The following SPTSSA variants were observed in gnomAD, a reference collection of about 807,000 sequenced individuals.
The protein encoded by SPTSSA is serine palmitoyltransferase small subunit A.
SPTSSA carries 8 observed loss-of-function variants against 9.1 expected under a neutral mutation model. The observed-to-expected ratio is 0.88, with a 90% CI of 0.51 to 1.58. The LOEUF is 1.58. SPTSSA is among the 40% of genes most tolerant of loss of function. The pLI, the probability that SPTSSA is intolerant of heterozygous loss-of-function variation, is 0.00. For synonymous variants in SPTSSA, 42 were observed against 37.7 expected, an observed-to-expected ratio of 1.11 and a Z score of -0.41; for missense variants, 100 against 93.8, an observed-to-expected ratio of 1.07 and a Z score of -0.27.
chr14:34,461,957 C>T (rs1400670183), intron 1 of SPTSSA, 139 bp downstream of exon 1: 3 of 432,946 alleles, frequency 6.9e-6, no homozygotes, highest in Non-Finnish European at 1.0e-5. Context: ...CAGACCTCCC[C>T]CTGCACCCCC....
rs574171564 is a variant in SPTSSA at position 34,457,001 on chromosome 14, G to A, written c.112+5095C>T. Among the ~76,000 whole-genome samples, 9 of 142,798 alleles carry A rather than the reference G, an allele frequency of 6.3e-5. No individual in the cohort carries two copies. The East Asian group carries it at 1.8e-3, about 29-fold the overall frequency. 93.7% of individuals were successfully genotyped at this position (142,798 alleles called of 152,430 possible). On this transcript the variant is annotated intron_variant, in intron 1 of 1. Transcript: ENST00000298130. The stretch of plus-strand genomic sequence containing the variant: ...ATTATTATTATTATTATTTTGAGAC[G>A]GAGCATTTGCTCTGTTGCCCAGGCT...
At chr14:34,453,353 A>AC (rs1883560254) in intron 1 of SPTSSA, among the ~76,000 whole-genome samples, 2 of 152,196 alleles carry the variant, frequency 1.3e-5, no homozygotes, top group African/African-American at 4.8e-5. Context: ...TCGCATTTGT[A>AC]CCCAGTCTCC....
intron 1 of SPTSSA, among the ~76,000 whole-genome samples, chr14:34,444,960 T>C (rs10145547): frequency 0.057 from 8,559 of 150,862 alleles, 372 homozygotes; most frequent in African/African-American, 0.12. Flanking sequence ...GGCGTGGTGG[T>C]GGGCGCCTGT....
At chr14:34,443,550 T>TGTGTGTGTGTGTG (rs1555314418) in intron 1 of SPTSSA, among the ~76,000 whole-genome samples, 27 of 91,020 alleles carry the variant, frequency 3.0e-4, no homozygotes, top group Non-Finnish European at 3.8e-4. Flanking sequence ...TGTGTGTGTG[T>TGTGTGTGTGTGTG]TTTGAGATGG....
chr14:34,442,855 C>T (rs1191447527), intron 1 of SPTSSA, among the ~76,000 whole-genome samples: 2 of 152,078 alleles, frequency 1.3e-5, no homozygotes, highest in Admixed American at 6.6e-5. Context: ...TGGATTATCT[C>T]TTGGGGCAAA....
At chr14:34,455,624 A>G (rs1378624482) in intron 1 of SPTSSA, among the ~76,000 whole-genome samples, 1 of 152,000 alleles carries the variant, frequency 6.6e-6, no homozygotes, top group African/African-American at 2.4e-5. Context: ...TAATTAGTAT[A>G]TTGAGATGCA....
chr14:34,443,229 G>T (rs867934902), intron 1 of SPTSSA, among the ~76,000 whole-genome samples: 1 of 81,732 alleles, frequency 1.2e-5, no homozygotes, highest in Admixed American at 1.3e-4. Flanking sequence ...GTGTGTGTGT[G>T]TGTGTGTGTT....
rs1228093735 is a variant in SPTSSA, at chr14:34,433,134, A to G, written c.*2067T>C. 1 of 152,140 alleles carries G rather than the reference A, an allele frequency of 6.6e-6. No individual in the cohort carries two copies. The highest frequency in any genetic ancestry group is 6.5e-5 in the Admixed American group (1 of 15,278). 9.4% of individuals were successfully genotyped at this position (152,140 alleles called of 1,614,324 possible). A position where few individuals can be genotyped will look rare whatever the true frequency, so the allele number is the denominator to read the frequency against. ...GATCACCTCTCAAGAGACATCTCCC[A>G]TTTCTCTTTTGACTCTCCTCAAGAT... is the stretch of plus-strand genomic sequence containing the variant. On this transcript the variant is annotated 3_prime_UTR_variant, in exon 2 of 2. Transcript: ENST00000298130.
intron 1 of SPTSSA, among the ~76,000 whole-genome samples, chr14:34,455,174 T>C (rs1883595604): frequency 1.3e-5 from 2 of 149,944 alleles, no homozygotes; most frequent in South Asian, 4.2e-4. Context: ...GATCACGAGG[T>C]TGGGAGTTTG....
intron 1 of SPTSSA, among the ~76,000 whole-genome samples, chr14:34,436,473 T>C (rs1034076614): frequency 2.0e-5 from 3 of 152,186 alleles, no homozygotes; most frequent in African/African-American, 7.2e-5. Context: ...TTCTTCTCTC[T>C]CTCTCCTCTT....
chr14:34,440,116 A>C (rs1883294731), intron 1 of SPTSSA, among the ~76,000 whole-genome samples: 1 of 152,256 alleles, frequency 6.6e-6, no homozygotes, highest in African/African-American at 2.4e-5. Context: ...GTACTTACTC[A>C]AATTATCAAC....
At chr14:34,442,494 C>T (rs1255502465) in intron 1 of SPTSSA, among the ~76,000 whole-genome samples, 1 of 152,210 alleles carries the variant, frequency 6.6e-6, no homozygotes, top group East Asian at 1.9e-4. Context: ...CAGGAGGTTG[C>T]TCCAGGGGTC....
Position 34,462,237 on chromosome 14 carries a change from G to C in SPTSSA, c.-30C>G. The stretch of plus-strand genomic sequence containing the variant: ...CTCCCGCGATGCAGCTCACACGTCA[G>C]TCTGTCCGGCCGGCCGCCCGCTCAC... On this transcript the variant is annotated 5_prime_UTR_variant, in exon 1 of 2. Transcript: ENST00000298130. 6.8e-7 allele frequency: 1 copy of C among 1,463,824 alleles called. No individual in the cohort carries two copies. The highest frequency in any genetic ancestry group is 9.2e-7 in the Non-Finnish European group (1 of 1,088,664). 90.7% of individuals were successfully genotyped at this position (1,463,824 alleles called of 1,614,324 possible). A position where few individuals can be genotyped will look rare whatever the true frequency, so the allele number is the denominator to read the frequency against.
chr14:34,458,226 G>C (rs1435662045), intron 1 of SPTSSA, among the ~76,000 whole-genome samples: 1 of 151,800 alleles, frequency 6.6e-6, no homozygotes, highest in African/African-American at 2.4e-5. Flanking sequence ...TTTTGAACAG[G>C]CTGTCACCTA....
chr14:34,438,991 C>T (rs1163880543), intron 1 of SPTSSA, among the ~76,000 whole-genome samples: 1 of 152,078 alleles, frequency 6.6e-6, no homozygotes, highest in Admixed American at 6.6e-5. Context: ...TAGATAGGGA[C>T]TGAAGGATTG....
At position 34,434,636 on chromosome 14, in the gene SPTSSA, T is replaced by TA. The variant is rs1883210597; in HGVS notation, c.*564dup. ...TTAATAATTTTAAAGCAAAAGCTGTTAGAGTCTAGATAGCTAAAACTGTAC... is the reference window on the plus strand; with the variant it reads ...TTAATAATTTTAAAGCAAAAGCTGTTAAGAGTCTAGATAGCTAAAACTGTAC... On this transcript the variant is annotated 3_prime_UTR_variant, in exon 2 of 2. Transcript: ENST00000298130. 6.6e-6 allele frequency: 1 copy of TA among 152,668 alleles called. No individual in the cohort carries two copies. Among genetic ancestry groups the TA allele is most frequent in the African/African-American group, 2.4e-5 (1 of 41,472 alleles). The allele number at this position is 152,668 out of a possible 1,614,324, so 9.5% of individuals were successfully genotyped here.
chr14:34,432,827 T>A lies in SPTSSA; in HGVS notation c.*2374A>T, dbSNP rs28448660. 128 of 151,674 alleles carry A rather than the reference T, an allele frequency of 8.4e-4. No individual in the cohort carries two copies. The highest frequency in any genetic ancestry group is 3.0e-3 in the African/African-American group (125 of 41,326). 9.4% of individuals were successfully genotyped at this position (151,674 alleles called of 1,614,324 possible). On this transcript the variant is annotated 3_prime_UTR_variant, in exon 2 of 2. Transcript: ENST00000298130. ...AATAATTCTTTAATTAAGATAGGTA[T>A]ATTGGGTGTTTTTTTTTTTTAGCCA...
At chr14:34,444,480 G>A (rs544501470) in intron 1 of SPTSSA, among the ~76,000 whole-genome samples, 3 of 152,186 alleles carry the variant, frequency 2.0e-5, no homozygotes, top group Non-Finnish European at 4.4e-5. Context: ...CAGGCCAGGC[G>A]CGGTGGCTCA....
intron 1 of SPTSSA, among the ~76,000 whole-genome samples, chr14:34,461,382 T>C (rs980602984): frequency 2.0e-5 from 3 of 149,644 alleles, no homozygotes; most frequent in Non-Finnish European, 4.4e-5. Context: ...GCTTTGCTTA[T>C]AGTAACCACT....
Sources: gnomAD v4.1 joint callset for allele counts (sites outside exome capture counted in the v4.1 genomes callset) on GRCh38, gnomAD v4.1.1 for gene constraint, MANE v1.5 for transcripts, NCBI Gene and HGNC (gene_info 2026-07-23, HGNC 2026-07-21) for gene names.